Variants in KLHDC10 observed in about 807,000 individuals in gnomAD.
KLHDC10 encodes kelch domain containing 10.
KLHDC10 carries 24 observed loss-of-function variants against 56.1 expected under a neutral mutation model. The observed-to-expected ratio is 0.43, with a 90% CI of 0.31 to 0.60. KLHDC10 has a LOEUF of 0.60. KLHDC10 is among the 20% of genes least tolerant of loss of function. The pLI is 0.11. For synonymous variants in KLHDC10, 188 were observed against 207.1 expected (o/e 0.91, Z 0.79); for missense variants, 349 against 567.0 (o/e 0.62, Z 3.91).
In KLHDC10 at chr7:130,130,140, A is replaced by AC. The variant is rs1185870159; in HGVS notation, c.1120-393dup. On this transcript the variant is annotated intron_variant, in intron 9 of 9. Coordinates refer to ENST00000335420, the MANE Select transcript of KLHDC10 (RefSeq NM_014997.4). This position sits in a 1 kb window ranked among gnomAD's most constrained non-coding sequence, Gnocchi z 4.2. The stretch of plus-strand genomic sequence containing the variant: ...GACCATCCTGGCTAACACGGATGAA[A>AC]CCCCATCTCTACTAAAAATACAAAA... Among the ~76,000 whole-genome samples, 1 of 151,602 alleles carries AC rather than the reference A, an allele frequency of 6.6e-6. No homozygotes were observed. The highest frequency in any genetic ancestry group is 1.5e-5 in the Non-Finnish European group (1 of 67,916).
At chr7:130,076,698 G>A (rs538943913) in intron 1 of KLHDC10, among the ~76,000 whole-genome samples, 1 of 152,320 alleles carries the variant, frequency 6.6e-6, no homozygotes, top group South Asian at 2.1e-4. Flanking sequence ...AGTTATGGCA[G>A]TGTCCTTCAT....
rs10579051 is a variant in KLHDC10, at chr7:130,101,969, T to TAA, written c.253+4986_253+4987dup. Among the ~76,000 whole-genome samples the TAA allele has an allele frequency of 3.9e-3, 286 of 73,664 alleles. 6 individuals are homozygous for TAA. The highest frequency in any genetic ancestry group is 4.5e-3 in the South Asian group (7 of 1,556). The allele number at this position is 73,664 out of a possible 152,430, so 48.3% of individuals were successfully genotyped here. A position where few individuals can be genotyped will look rare whatever the true frequency, so the allele number is the denominator to read the frequency against. On this transcript the variant is annotated intron_variant, in intron 2 of 9. Transcript: ENST00000335420. Reference sequence around the variant, plus strand: ...TGGGCGACAGAGTGAGACTCCCTCTTAAAAAAAAAAAAAAAAAAAAAAAAA... The same window carrying TAA: ...TGGGCGACAGAGTGAGACTCCCTCTTAAAAAAAAAAAAAAAAAAAAAAAAAAA...
At chr7:130,129,872 C>T (rs1584642604) in intron 9 of KLHDC10, among the ~76,000 whole-genome samples, 4 of 152,236 alleles carry the variant, frequency 2.6e-5, no homozygotes, top group South Asian at 4.1e-4. Flanking sequence ...CCCCTTGATA[C>T]CATATTATTG....
chr7:130,074,003 A>T lies in KLHDC10; in HGVS notation c.166+3194A>T, dbSNP rs148703800. 2.9e-3 allele frequency among the ~76,000 whole-genome samples: 436 copies of T among 152,300 alleles called. 1 individual carries two copies. The highest frequency in any genetic ancestry group is 4.7e-3 in the Non-Finnish European group (319 of 68,032). Reference sequence around the variant, plus strand: ...CCAGTCTTTTTGCAAGCCCAAATACATTCTCATCCCTGCTCACAACCTTTT... The same window carrying T: ...CCAGTCTTTTTGCAAGCCCAAATACTTTCTCATCCCTGCTCACAACCTTTT... On this transcript the variant is annotated intron_variant, in intron 1 of 9. Coordinates refer to ENST00000335420, the MANE Select transcript of KLHDC10 (RefSeq NM_014997.4).
At position 130,070,794 on chromosome 7, in the gene KLHDC10, C is replaced by T. The variant is rs1795396888; in HGVS notation, c.151C>T (p.Arg51Trp). The change falls in exon 1 of 10, where the codon CGG becomes TGG. Residue 51 changes from arginine to tryptophan, a missense_variant. Coordinates refer to ENST00000335420, the MANE Select transcript of KLHDC10 (RefSeq NM_014997.4). ...CAACCGCTTCGTGCAACTCTCCGGG[C>T]GGCCGCACCTGCCAGGTGAGTCGTG... is the stretch of plus-strand genomic sequence containing the variant. ...QLNRFVQLSG[R>W]PHLPGKKKIR... 2 of 1,306,388 alleles carry T rather than the reference C, an allele frequency of 1.5e-6. No individual in the cohort carries two copies. Among genetic ancestry groups the T allele is most frequent in the Admixed American group, 3.1e-5 (1 of 32,624 alleles). 80.9% of individuals were successfully genotyped at this position (1,306,388 alleles called of 1,614,324 possible).
At chr7:130,090,468 G>C (rs555636152) in intron 1 of KLHDC10, among the ~76,000 whole-genome samples, 1 of 151,778 alleles carries the variant, frequency 6.6e-6, no homozygotes, top group Non-Finnish European at 1.5e-5. Flanking sequence ...CATACCTGTA[G>C]TCCCAGCTAC....
intron 1 of KLHDC10, among the ~76,000 whole-genome samples, chr7:130,081,251 G>A (rs1244988032): frequency 1.3e-5 from 2 of 151,712 alleles, no homozygotes; most frequent in Non-Finnish European, 2.9e-5. Flanking sequence ...CACCCGCCTC[G>A]GCCTCCCAAA....
intron 1 of KLHDC10, among the ~76,000 whole-genome samples, chr7:130,084,772 GAA>G (rs111770744): frequency 1.0e-4 from 12 of 120,440 alleles, no homozygotes; most frequent in African/African-American, 1.5e-4. Flanking sequence ...GCGAGACTCT[GAA>G]AAAAAAAAAA....
intron 1 of KLHDC10, among the ~76,000 whole-genome samples, chr7:130,080,271 C>T (rs1795585420): frequency 6.6e-6 from 1 of 152,028 alleles, no homozygotes; most frequent in Non-Finnish European, 1.5e-5. Flanking sequence ...CATTTTTTCC[C>T]CTCTGTGGTT....
intron 1 of KLHDC10, among the ~76,000 whole-genome samples, chr7:130,089,942 C>T (rs1032193887): frequency 1.3e-5 from 2 of 151,346 alleles, no homozygotes; most frequent in Non-Finnish European, 2.9e-5. Context: ...AGTGCAATGG[C>T]GCGATCTTGG....
In KLHDC10 at chr7:130,116,590, G is replaced by C; in HGVS notation, c.399G>C (p.Arg133Ser). 6.2e-7 allele frequency: 1 copy of C among 1,614,130 alleles called. No homozygotes were observed. Among genetic ancestry groups the C allele is most frequent in the Non-Finnish European group, 8.5e-7 (1 of 1,180,020 alleles). ...EDYPLFRELW[R>S]YHFATGVWHQ... ...ATCCTCTCTTCAGGGAACTCTGGAG[G>C]TATCATTTTGCTACAGGAGTATGGC... Residue 133 changes from arginine (R) to serine (S), a missense_variant, in exon 3 of 10, where the codon AGG (arginine) becomes AGC (serine). Coordinates refer to ENST00000335420, the MANE Select transcript of KLHDC10 (RefSeq NM_014997.4). The surrounding 1 kb of genome is among the most constrained non-coding windows in gnomAD (Gnocchi z 4.8).
At chr7:130,085,246 T>G (rs1201082852) in intron 1 of KLHDC10, among the ~76,000 whole-genome samples, 2 of 150,598 alleles carry the variant, frequency 1.3e-5, no homozygotes, top group Non-Finnish European at 3.0e-5. Flanking sequence ...GGCAGGAGAA[T>G]TGCTTGAACC....
intron 1 of KLHDC10, among the ~76,000 whole-genome samples, chr7:130,085,328 A>G (rs1253848214): frequency 1.3e-5 from 2 of 149,138 alleles, no homozygotes; most frequent in African/African-American, 4.9e-5. Flanking sequence ...GCAAGACTCC[A>G]TCTCAGAAAA....
At chr7:130,097,635 T>G (rs1182189442) in intron 2 of KLHDC10, among the ~76,000 whole-genome samples, 1 of 152,092 alleles carries the variant, frequency 6.6e-6, no homozygotes, top group African/African-American at 2.4e-5. Flanking sequence ...ATAAGATGTT[T>G]TTACCTATTA....
intron 1 of KLHDC10, among the ~76,000 whole-genome samples, chr7:130,091,349 T>A (rs1795770320): frequency 6.6e-6 from 1 of 152,218 alleles, no homozygotes; most frequent in South Asian, 2.1e-4. Context: ...GCCACCATGA[T>A]CAGTTTTGAT....
intron 1 of KLHDC10, among the ~76,000 whole-genome samples, chr7:130,077,192 T>C (rs1795516766): frequency 6.6e-6 from 1 of 151,112 alleles, no homozygotes; most frequent in Non-Finnish European, 1.5e-5. Flanking sequence ...CCATCTCTGC[T>C]AAAAATATAA....
chr7:130,108,126 C>T (rs889219401), intron 2 of KLHDC10, among the ~76,000 whole-genome samples: 1 of 149,564 alleles, frequency 6.7e-6, no homozygotes, highest in African/African-American at 2.5e-5. Flanking sequence ...CTACTCCAGA[C>T]GCTGAGGTGG....
chr7:130,119,954 T>C (rs1197377514), intron 3 of KLHDC10, among the ~76,000 whole-genome samples: 4 of 151,646 alleles, frequency 2.6e-5, no homozygotes, highest in African/African-American at 7.3e-5. Context: ...TGTGCATGTG[T>C]ATGTTTGTGT....
At chr7:130,074,645 G>A (rs1010344351) in intron 1 of KLHDC10, among the ~76,000 whole-genome samples, 1 of 147,514 alleles carries the variant, frequency 6.8e-6, no homozygotes, top group African/African-American at 2.6e-5. Flanking sequence ...TTCTGAGATG[G>A]AGTCTTGCTC....
Sources: allele counts gnomAD v4.1 joint callset (sites outside exome capture counted in the v4.1 genomes callset), GRCh38; gene constraint gnomAD v4.1.1; non-coding constraint Gnocchi (gnomAD v3.1); transcripts MANE v1.5; gene names NCBI Gene and HGNC (gene_info 2026-07-23, HGNC 2026-07-21).